The following VDAC1 variants were observed in gnomAD, a reference collection of about 807,000 sequenced individuals.
VDAC1 encodes the protein non-selective voltage-gated ion channel VDAC1.
Under a neutral mutation model 34.7 loss-of-function variants are expected in VDAC1, and 10 were observed. That is an observed-to-expected ratio of 0.29 (90% CI 0.18 to 0.49). The LOEUF is 0.49. VDAC1 is among the 20% of genes least tolerant of loss of function. The pLI, the probability that VDAC1 is intolerant of heterozygous loss-of-function variation, is 0.99. For missense variants in VDAC1, 230 were observed against 347.9 expected (o/e 0.66, Z 2.69); for synonymous variants, 130 against 136.0 (o/e 0.96, Z 0.30).
At chr5:134,009,402 G>A (rs1473379666), upstream of VDAC1, among the ~76,000 whole-genome samples, 2 of 151,374 alleles carry the variant, frequency 1.3e-5, no homozygotes, top group Non-Finnish European at 2.9e-5. Flanking sequence ...GGGATTACAG[G>A]TACACGACAC....
chr5:134,094,018 C>G, the VDAC1 span, among the ~76,000 whole-genome samples: 1 of 152,252 alleles, frequency 6.6e-6, no homozygotes, highest in Non-Finnish European at 1.5e-5. Context: ...ATCAACCCCA[C>G]TGAAATACCC....
At chr5:134,033,503 C>G in the VDAC1 span, among the ~76,000 whole-genome samples, 3 of 151,804 alleles carry the variant, frequency 2.0e-5, no homozygotes, top group African/African-American at 7.2e-5. Context: ...GAGCGGCAGG[C>G]AGGTGCTTAT....
the VDAC1 span, among the ~76,000 whole-genome samples, chr5:134,083,302 C>T: frequency 2.0e-5 from 3 of 151,212 alleles, no homozygotes; most frequent in African/African-American, 7.3e-5. Context: ...GATTCTCGTG[C>T]CTCAGCCTCC....
chr5:134,051,752 G>A, the VDAC1 span, among the ~76,000 whole-genome samples: 4 of 150,998 alleles, frequency 2.6e-5, no homozygotes, highest in African/African-American at 7.3e-5. Context: ...CAGCTGGAGT[G>A]CAATAGCACG....
intron 5 of VDAC1, 55 bp downstream of exon 5, chr5:133,990,800 C>T: frequency 6.6e-7 from 1 of 1,508,872 alleles, no homozygotes; most frequent in Non-Finnish European, 8.9e-7. Context: ...AAAGGGCTTC[C>T]ACCACCTGCA....
At chr5:134,029,044 C>A in the VDAC1 span, among the ~76,000 whole-genome samples, 1 of 152,164 alleles carries the variant, frequency 6.6e-6, no homozygotes, top group African/African-American at 2.4e-5. Flanking sequence ...GGTGACCAAT[C>A]GTTCTGGTTT....
chr5:134,050,673 C>T, the VDAC1 span, among the ~76,000 whole-genome samples: 18 of 152,298 alleles, frequency 1.2e-4, 1 homozygote, highest in South Asian at 3.7e-3. Flanking sequence ...GCAGAATTCT[C>T]CTAATGGGAA....
chr5:134,081,649 C>T, the VDAC1 span, among the ~76,000 whole-genome samples: 1 of 152,174 alleles, frequency 6.6e-6, no homozygotes, highest in East Asian at 1.9e-4. Flanking sequence ...CATTAAAGGT[C>T]ATGTTTACTA....
chr5:134,104,421 G>T, the VDAC1 span, among the ~76,000 whole-genome samples: 1 of 152,230 alleles, frequency 6.6e-6, no homozygotes, highest in African/African-American at 2.4e-5. Flanking sequence ...AAAGGGTCTT[G>T]TACGTGCAGG....
chr5:134,061,652 C>G, the VDAC1 span, among the ~76,000 whole-genome samples: 1 of 151,544 alleles, frequency 6.6e-6, no homozygotes, highest in Non-Finnish European at 1.5e-5. Context: ...GGATTATAAG[C>G]GAGAGCCACT....
chr5:134,099,171 G>A, the VDAC1 span, among the ~76,000 whole-genome samples: 3 of 152,174 alleles, frequency 2.0e-5, no homozygotes, highest in Non-Finnish European at 4.4e-5. Context: ...TGTGCTTCAG[G>A]TCGAGCACAG....
chr5:134,101,988 G>A, the VDAC1 span, among the ~76,000 whole-genome samples: 2 of 152,232 alleles, frequency 1.3e-5, no homozygotes, highest in Admixed American at 6.5e-5. Context: ...GAACGCTGTC[G>A]CAGCTCCCTG....
At chr5:134,074,347 AATAAAT>A in the VDAC1 span, among the ~76,000 whole-genome samples, 1 of 151,432 alleles carries the variant, frequency 6.6e-6, no homozygotes, top group South Asian at 2.1e-4. Context: ...TAAATAAATA[AATAAAT>A]AAAAGCTTTG....
chr5:134,043,013 G>A, the VDAC1 span, among the ~76,000 whole-genome samples: 1 of 151,592 alleles, frequency 6.6e-6, no homozygotes, highest in South Asian at 2.1e-4. Context: ...CTTTTCCTGA[G>A]CTTGGATGAA....
the VDAC1 span, among the ~76,000 whole-genome samples, chr5:134,059,401 C>T: frequency 1.3e-5 from 2 of 152,186 alleles, 1 homozygote; most frequent in Non-Finnish European, 2.9e-5. Flanking sequence ...CACTTTCATT[C>T]TGCATCTTTC....
the VDAC1 span, among the ~76,000 whole-genome samples, chr5:134,090,254 G>A: frequency 1.3e-5 from 2 of 152,280 alleles, no homozygotes; most frequent in South Asian, 4.1e-4. Context: ...ATTCCTGGGT[G>A]GTTGGTTCAG....
the VDAC1 span, among the ~76,000 whole-genome samples, chr5:134,021,859 C>T: frequency 2.7e-5 from 4 of 150,730 alleles, no homozygotes; most frequent in African/African-American, 9.7e-5. Flanking sequence ...GAGCAGTAGG[C>T]TCAGAGAAAG....
the VDAC1 span, among the ~76,000 whole-genome samples, chr5:134,090,444 T>C: frequency 6.6e-6 from 1 of 152,136 alleles, no homozygotes; most frequent in East Asian, 1.9e-4. Flanking sequence ...AGCCTCTGCT[T>C]CTCTCTGGGC....
the VDAC1 span, among the ~76,000 whole-genome samples, chr5:134,102,634 C>G: frequency 6.6e-6 from 1 of 152,096 alleles, no homozygotes; most frequent in African/African-American, 2.4e-5. Flanking sequence ...TGCTATTGCA[C>G]TCTAGCTTGG....
Sources: allele counts gnomAD v4.1 joint callset (sites outside exome capture counted in the v4.1 genomes callset), GRCh38; gene constraint gnomAD v4.1.1; transcripts MANE v1.5; gene names NCBI Gene and HGNC (gene_info 2026-07-23, HGNC 2026-07-21).